Variants in DOCK4 observed in about 807,000 individuals in gnomAD.
DOCK4 encodes dedicator of cytokinesis protein 4.
Under a neutral mutation model 268.1 loss-of-function variants are expected in DOCK4, and 97 were observed. That is an observed-to-expected ratio of 0.36 (90% CI 0.31 to 0.43). The LOEUF (loss-of-function observed/expected upper bound fraction) is 0.43, where lower values mean the gene tolerates loss of function less well. DOCK4 is among the 20% of genes least tolerant of loss of function. The pLI, the probability that DOCK4 is intolerant of heterozygous loss-of-function variation, is 1.00. For synonymous variants in DOCK4, 954 were observed against 887.2 expected (o/e 1.08, Z -1.34); for missense variants, 2,145 against 2,455.7 (o/e 0.87, Z 2.67).
At chr7:111,795,810 C>G (rs892262960) in intron 30 of DOCK4, among the ~76,000 whole-genome samples, 2 of 152,194 alleles carry the variant, frequency 1.3e-5, no homozygotes, top group African/African-American at 4.8e-5. Flanking sequence ...CTAAGACCTT[C>G]ATAAGCCTGA....
intron 1 of DOCK4, among the ~76,000 whole-genome samples, chr7:112,103,368 C>T (rs1430926373): frequency 4.6e-5 from 7 of 152,150 alleles, no homozygotes. Flanking sequence ...GAAGTCCTAA[C>T]CACAAATCCA....
chr7:111,745,496 C>T (rs1796197805), intron 44 of DOCK4, among the ~76,000 whole-genome samples: 1 of 151,620 alleles, frequency 6.6e-6, no homozygotes, highest in Admixed American at 6.6e-5. Context: ...TCCTGGCTAA[C>T]ACAGTGAAAC....
chr7:111,793,554 A>G (rs1433327327), intron 30 of DOCK4, among the ~76,000 whole-genome samples: 1 of 152,252 alleles, frequency 6.6e-6, no homozygotes, highest in Non-Finnish European at 1.5e-5. Flanking sequence ...GTATGTGTTT[A>G]CTGTATTTCC....
intron 1 of DOCK4, among the ~76,000 whole-genome samples, chr7:112,046,768 G>A (rs1804860031): frequency 6.6e-6 from 1 of 152,174 alleles, no homozygotes; most frequent in Non-Finnish European, 1.5e-5. Context: ...TATGATGTGA[G>A]CCCTATGATT....
intron 30 of DOCK4, among the ~76,000 whole-genome samples, chr7:111,793,601 C>T (rs920044184): frequency 1.3e-5 from 2 of 152,178 alleles, no homozygotes; most frequent in African/African-American, 4.8e-5. Flanking sequence ...TCTATTCATT[C>T]AGTGACTCAA....
intron 30 of DOCK4, among the ~76,000 whole-genome samples, chr7:111,804,238 C>A (rs568744164): frequency 1.3e-5 from 2 of 152,160 alleles, no homozygotes; most frequent in Admixed American, 6.5e-5. Context: ...TATATCCATA[C>A]GACAGAATAT....
chr7:111,792,706 T>C lies in DOCK4; in HGVS notation c.3167-2101A>G, dbSNP rs967087914. 2.6e-5 allele frequency among the ~76,000 whole-genome samples: 4 copies of C among 151,972 alleles called. 1 individual carries two copies. The highest frequency in any genetic ancestry group is 4.1e-4 in the South Asian group (2 of 4,832). ...CTTACAGGGTTTTTTTTAAGTAACA[T>C]GAATATGAAAGAATCTGGGGAGCAG... On this transcript the variant is annotated intron_variant, in intron 30 of 52. Coordinates refer to ENST00000428084, the MANE Select transcript of DOCK4 (RefSeq NM_001363540.2).
At chr7:112,159,361 T>TC (rs1816886369) in intron 1 of DOCK4, among the ~76,000 whole-genome samples, 1 of 151,972 alleles carries the variant, frequency 6.6e-6, no homozygotes, top group South Asian at 2.1e-4. Context: ...TCCTCATCGC[T>TC]CCCTGGTGCG....
At chr7:112,112,341 C>A (rs1458816152) in intron 1 of DOCK4, among the ~76,000 whole-genome samples, 1 of 152,182 alleles carries the variant, frequency 6.6e-6, no homozygotes, top group African/African-American at 2.4e-5. Context: ...GAGGCCTTCA[C>A]CAGAAGAAGA....
chr7:111,781,803 TACAAA>T (rs1021978159), intron 35 of DOCK4, among the ~76,000 whole-genome samples: 1 of 151,874 alleles, frequency 6.6e-6, no homozygotes, highest in Non-Finnish European at 1.5e-5. Flanking sequence ...AACAAAGTAA[TACAAA>T]ACAAAACAAA....
intron 1 of DOCK4, among the ~76,000 whole-genome samples, chr7:112,136,839 T>G (rs1435863782): frequency 6.6e-6 from 1 of 152,196 alleles, no homozygotes; most frequent in East Asian, 1.9e-4. Flanking sequence ...TCCAGAAGGC[T>G]AGTATGTATG....
At chr7:111,949,486 G>T (rs149623521) in intron 8 of DOCK4, among the ~76,000 whole-genome samples, 1 of 152,060 alleles carries the variant, frequency 6.6e-6, no homozygotes, top group African/African-American at 2.4e-5. Flanking sequence ...ATCATATCCT[G>T]TTTCAGAAAG....
intron 42 of DOCK4, among the ~76,000 whole-genome samples, chr7:111,750,511 C>T (rs907258721): frequency 1.3e-5 from 2 of 152,138 alleles, no homozygotes; most frequent in Non-Finnish European, 2.9e-5. Flanking sequence ...ATAATTTAAA[C>T]GTGCTTCTGA....
chr7:112,086,083 A>G (rs1809062458), intron 1 of DOCK4, among the ~76,000 whole-genome samples: 1 of 152,142 alleles, frequency 6.6e-6, no homozygotes, highest in South Asian at 2.1e-4. Context: ...GTAATATAAC[A>G]CCATATTTAG....
intron 13 of DOCK4, among the ~76,000 whole-genome samples, chr7:111,903,624 T>G (rs1411055439): frequency 6.6e-6 from 1 of 152,254 alleles, no homozygotes; most frequent in Non-Finnish European, 1.5e-5. Context: ...GTTATTTATT[T>G]AACAATTCCA....
intron 2 of DOCK4, among the ~76,000 whole-genome samples, chr7:112,001,228 C>T (rs760767610): frequency 5.3e-5 from 8 of 152,166 alleles, no homozygotes; most frequent in Non-Finnish European, 1.0e-4. Context: ...TCACTTTCCA[C>T]GGTTTCAGTT....
At chr7:111,985,382 T>A (rs1273341206) in intron 6 of DOCK4, among the ~76,000 whole-genome samples, 2 of 152,204 alleles carry the variant, frequency 1.3e-5, no homozygotes, top group Non-Finnish European at 2.9e-5. Flanking sequence ...TCACTTGTTC[T>A]AAATCCTTTT....
At chr7:111,804,826 C>T (rs1800557328) in intron 30 of DOCK4, among the ~76,000 whole-genome samples, 1 of 152,146 alleles carries the variant, frequency 6.6e-6, no homozygotes, top group South Asian at 2.1e-4. Flanking sequence ...TCTCGAACTC[C>T]TGACCTCACG....
chr7:112,071,592 T>C lies in DOCK4; in HGVS notation c.38-67461A>G, dbSNP rs73717953. ...TCGAAATTGAATGATTCTATTCCAA[T>C]AGGAATGCCATACAAATTGTAAAAG... On this transcript the variant is annotated intron_variant, in intron 1 of 52. Transcript: ENST00000428084. Among the ~76,000 whole-genome samples the C allele has an allele frequency of 4.5e-3, 682 of 152,348 alleles. 5 individuals are homozygous for C. The highest frequency in any genetic ancestry group is 0.015 in the African/African-American group (636 of 41,584).
Sources: gnomAD v4.1 joint callset for allele counts (sites outside exome capture counted in the v4.1 genomes callset) on GRCh38, gnomAD v4.1.1 for gene constraint, MANE v1.5 for transcripts, NCBI Gene and HGNC (gene_info 2026-07-23, HGNC 2026-07-21) for gene names.